The following NBEA variants were observed in gnomAD, a reference collection of about 807,000 sequenced individuals.
The protein encoded by NBEA is neurobeachin, also known as lysosomal-trafficking regulator 2.
NBEA carries 44 observed loss-of-function variants against 343.4 expected under a neutral mutation model. That is an observed-to-expected ratio of 0.13 (90% CI 0.10 to 0.16). The LOEUF (loss-of-function observed/expected upper bound fraction) is 0.16, where lower values mean the gene tolerates loss of function less well. NBEA is among the 10% of genes least tolerant of loss of function. The pLI, the probability that NBEA is intolerant of heterozygous loss-of-function variation, is 1.00. For synonymous variants in NBEA, 1,175 were observed against 1,238.7 expected (o/e 0.95, Z 1.08); for missense variants, 2,555 against 3,631.3 (o/e 0.70, Z 7.62).
At chr13:35,452,367 CTACTT>C (rs2046352548) in intron 40 of NBEA, 132 bp downstream of exon 40, 3 of 667,372 alleles carry the variant, frequency 4.5e-6, no homozygotes, top group South Asian at 2.0e-5. Context: ...TGTTAAAACT[CTACTT>C]TATCTCATTT....
At chr13:35,606,357 TAA>T (rs2082281028) in intron 47 of NBEA, 67 bp from the exon 48 acceptor site, 2 of 832,040 alleles carry the variant, frequency 2.4e-6, no homozygotes, top group African/African-American at 1.8e-5. Context: ...TAATAAGTTA[TAA>T]GTTAATAGTT....
intron 41 of NBEA, among the ~76,000 whole-genome samples, chr13:35,512,602 C>G (rs2077317469): frequency 6.6e-6 from 1 of 152,226 alleles, no homozygotes; most frequent in African/African-American, 2.4e-5. Flanking sequence ...CTTGTACTTT[C>G]AGCTTGCCTG....
At chr13:35,423,946 CTGTT>C (rs1252492260) in intron 38 of NBEA, among the ~76,000 whole-genome samples, 4 of 152,122 alleles carry the variant, frequency 2.6e-5, no homozygotes, top group Admixed American at 6.5e-5. Flanking sequence ...ATTTGGCTCT[CTGTT>C]TGTCTGTTAT....
In NBEA at chr13:35,668,538, A is replaced by C. The variant is rs762663569; in HGVS notation, c.8813+19A>C. 10 of 1,563,462 alleles carry C rather than the reference A, an allele frequency of 6.4e-6. No individual in the cohort carries two copies. The highest frequency in any genetic ancestry group is 1.9e-5 in the Admixed American group (1 of 52,648). On this transcript the variant is annotated intron_variant, in intron 58 of 58. Transcript: ENST00000379939. ...ACCAGAGGTGAGCTGCGTCAAGGAC[A>C]AGTATCATCACTGAGAACTGTCATT... is the stretch of plus-strand genomic sequence containing the variant.
intron 1 of NBEA, among the ~76,000 whole-genome samples, chr13:34,994,138 C>A (rs2060855353): frequency 7.8e-6 from 1 of 127,582 alleles, no homozygotes; most frequent in Admixed American, 1.0e-4. Context: ...GCAGAGGTTG[C>A]AGTGAGCCGA....
At chr13:35,455,786 A>T (rs534497090) in intron 40 of NBEA, among the ~76,000 whole-genome samples, 1 of 152,250 alleles carries the variant, frequency 6.6e-6, no homozygotes, top group East Asian at 1.9e-4. Context: ...AAATAAAGAT[A>T]AAGAGGTCAA....
intron 41 of NBEA, among the ~76,000 whole-genome samples, chr13:35,511,898 T>C (rs190008594): frequency 1.6e-4 from 25 of 152,280 alleles, no homozygotes; most frequent in Admixed American, 1.2e-3. Flanking sequence ...GACAAAAAAG[T>C]ATGGTTGGAA....
chr13:35,117,897 A>G (rs1363892646), intron 14 of NBEA, among the ~76,000 whole-genome samples: 1 of 152,056 alleles, frequency 6.6e-6, no homozygotes, highest in African/African-American at 2.4e-5. Context: ...AAAAATTGAT[A>G]CTGTATAGTC....
rs577217735 is a variant in NBEA, at chr13:35,016,402, A to G, written c.295-24531A>G. Among the ~76,000 whole-genome samples, 15 of 152,306 alleles carry G rather than the reference A, an allele frequency of 9.8e-5. No homozygotes were observed. In the South Asian group the frequency reaches 3.1e-3, roughly 32 times the overall value. ...CTGGGATGTATACATTGTAGTAATT[A>G]ATTCATCAGCAACTAGGATATCTTG... On this transcript the variant is annotated intron_variant, in intron 1 of 58. Transcript: ENST00000379939.
intron 30 of NBEA, among the ~76,000 whole-genome samples, chr13:35,191,977 A>T (rs1215402335): frequency 6.6e-6 from 1 of 151,976 alleles, no homozygotes; most frequent in Admixed American, 6.6e-5. Flanking sequence ...TATTAGATGA[A>T]CTCATTATAG....
At chr13:35,653,170 C>T (rs747920371) in intron 53 of NBEA, among the ~76,000 whole-genome samples, 3 of 152,050 alleles carry the variant, frequency 2.0e-5, no homozygotes, top group African/African-American at 4.8e-5. Context: ...CTTAGTCTTT[C>T]GAGGCCCTTC....
At chr13:35,074,831 T>C (rs929944461) in intron 10 of NBEA, among the ~76,000 whole-genome samples, 2 of 152,152 alleles carry the variant, frequency 1.3e-5, no homozygotes, top group Non-Finnish European at 2.9e-5. Flanking sequence ...GGGAAGTGGC[T>C]AAAACGTACT....
Position 35,654,857 on chromosome 13 carries a change from A to G in NBEA, c.8038A>G (p.Asn2680Asp). Residue 2680 changes from asparagine to aspartate, a missense_variant and splice_region_variant, in exon 54 of 59, where the codon AAT becomes GAT. Physicochemically the swap from Asn to Asp is conservative, Grantham distance 23 (BLOSUM62 1). This residue lies in a region of NBEA where 39 missense variants were observed against 37.9 expected (regional missense o/e 1.03). Transcript: ENST00000379939. ...LPIEMDPLIA[N>D]NSGVNKRQIT... ...TGCTTTTTTCCATTTACTTTTAGCCAATAATTCAGGTGTAAACAAACGGCA... is the reference window on the plus strand; with the variant it reads ...TGCTTTTTTCCATTTACTTTTAGCCGATAATTCAGGTGTAAACAAACGGCA... The G allele has an allele frequency of 6.4e-7, 1 of 1,566,904 alleles. No homozygotes were observed. Among genetic ancestry groups the G allele is most frequent in the Non-Finnish European group, 8.6e-7 (1 of 1,164,222 alleles).
At chr13:35,391,630 ATAAT>A (rs1566066296) in intron 38 of NBEA, among the ~76,000 whole-genome samples, 1 of 152,136 alleles carries the variant, frequency 6.6e-6, no homozygotes, top group Non-Finnish European at 1.5e-5. Context: ...TTTTAGGTAA[ATAAT>A]CATTGTAGAT....
At chr13:35,045,962 T>C (rs1249799699) in intron 4 of NBEA, among the ~76,000 whole-genome samples, 2 of 151,978 alleles carry the variant, frequency 1.3e-5, no homozygotes, top group East Asian at 3.9e-4. Flanking sequence ...CCTAACCTCC[T>C]GTTTGCCCGC....
Position 35,308,013 on chromosome 13 carries a change from A to G in NBEA, c.5839-1515A>G, listed in dbSNP as rs113287308. On this transcript the variant is annotated intron_variant, in intron 35 of 58. Transcript: ENST00000379939. ...GGCTTTGTACTATCCCCAAGTTACCATATCTCTTTTCACTAGTTGTTGATT... is the reference window on the plus strand; with the variant it reads ...GGCTTTGTACTATCCCCAAGTTACCGTATCTCTTTTCACTAGTTGTTGATT... Among the ~76,000 whole-genome samples, 975 of 152,104 alleles carry G rather than the reference A, an allele frequency of 6.4e-3. 9 individuals carry two copies. Among genetic ancestry groups the G allele is most frequent in the African/African-American group, 0.023 (938 of 41,536 alleles).
intron 55 of NBEA, among the ~76,000 whole-genome samples, chr13:35,662,448 G>C (rs1314327982): frequency 1.3e-5 from 2 of 152,168 alleles, no homozygotes; most frequent in African/African-American, 4.8e-5. Context: ...CTAGGATTTT[G>C]AATGATTGTT....
intron 34 of NBEA, among the ~76,000 whole-genome samples, chr13:35,263,968 T>C (rs907823954): frequency 6.7e-6 from 1 of 149,744 alleles, no homozygotes. Context: ...ATAGGAAAGA[T>C]TGACAACACA....
At chr13:35,430,240 G>C (rs1475672188) in intron 38 of NBEA, among the ~76,000 whole-genome samples, 1 of 151,976 alleles carries the variant, frequency 6.6e-6, no homozygotes, top group Non-Finnish European at 1.5e-5. Context: ...TCATAGGTTT[G>C]TTGGCCATTT....
Sources: allele counts gnomAD v4.1 joint callset (sites outside exome capture counted in the v4.1 genomes callset), GRCh38; gene constraint gnomAD v4.1.1; regional missense constraint gnomAD v4.1.1; transcripts MANE v1.5; gene names NCBI Gene and HGNC (gene_info 2026-07-23, HGNC 2026-07-21).